Variants in SMAD5 observed in about 807,000 individuals in gnomAD.
SMAD5 encodes the protein MAD, mothers against decapentaplegic homolog 5.
In SMAD5, 9 loss-of-function variants were observed where a neutral mutation model predicts 43.1. That is an observed-to-expected ratio of 0.21 (90% CI 0.13 to 0.36). SMAD5 has a LOEUF of 0.36. Among genes scored for constraint, SMAD5 ranks in the 10% least tolerant of loss-of-function variants. The pLI is 1.00. For missense variants in SMAD5, 348 were observed against 574.0 expected (o/e 0.61, Z 4.02); for synonymous variants, 190 against 192.4 (o/e 0.99, Z 0.10).
rs1189308728 is a variant in SMAD5, at chr5:136,134,621, T to A, written c.-245+1659T>A. On this transcript the variant is annotated intron_variant, in intron 1 of 7. Transcript: ENST00000545279. The stretch of plus-strand genomic sequence containing the variant: ...TTTATTCCTTTGGTAACTATTAATA[T>A]TTTTTTCTCTACAGTGAAAATTGTA... The A allele has an allele frequency of 2.0e-5, 3 of 152,218 alleles. No individual in the cohort carries two copies. The East Asian group carries it at 5.8e-4, about 29-fold the overall frequency. The allele number at this position is 152,218 out of a possible 1,614,324, so 9.4% of individuals were successfully genotyped here.
chr5:136,169,906 A>T (rs185417210), intron 5 of SMAD5, among the ~76,000 whole-genome samples: 1 of 152,172 alleles, frequency 6.6e-6, no homozygotes, highest in Non-Finnish European at 1.5e-5. Flanking sequence ...TACTTGACCA[A>T]TCTGTGAGTC....
At chr5:136,163,479 A>T in intron 5 of SMAD5, 88 bp downstream of exon 5, 2 of 1,073,694 alleles carry the variant, frequency 1.9e-6, no homozygotes, top group Admixed American at 3.3e-5. Context: ...TTATTGAGGT[A>T]TAATTTATAT....
intron 5 of SMAD5, among the ~76,000 whole-genome samples, chr5:136,165,389 G>GT (rs1198927343): frequency 1.3e-5 from 2 of 151,488 alleles, no homozygotes; most frequent in Admixed American, 6.6e-5. Context: ...TTGTTTGTTT[G>GT]TTTTTTTATG....
chr5:136,167,939 C>A (rs1437581257), intron 5 of SMAD5, among the ~76,000 whole-genome samples: 1 of 151,968 alleles, frequency 6.6e-6, no homozygotes, highest in Non-Finnish European at 1.5e-5. Flanking sequence ...ACAATTCGCT[C>A]ACAGTTCTCC....
At chr5:136,135,950 C>A (rs11959595) in intron 1 of SMAD5, among the ~76,000 whole-genome samples, 54,580 of 151,846 alleles carry the variant, frequency 0.36, 10,735 homozygotes, top group African/African-American at 0.54. Flanking sequence ...ATGATTTGCC[C>A]GTCTTCTCAT....
At position 136,163,299 on chromosome 5, in the gene SMAD5, C is replaced by T; in HGVS notation, c.683C>T (p.Pro228Leu). Residue 228 changes from proline (P) to leucine (L), a missense_variant, in exon 5 of 8, where the codon CCA becomes CTA. By Grantham distance (98) the Pro-to-Leu change is moderately conservative. This residue lies in a region of SMAD5 where 185 missense variants were observed against 207.0 expected (regional missense o/e 0.89). Transcript: ENST00000545279. Reference protein sequence around the residue: ...PADTPPPAYMPPDDQMGQDNS... With the variant: ...PADTPPPAYMLPDDQMGQDNS... ...GATACGCCTCCTCCTGCCTATATGC[C>T]ACCTGATGATCAGATGGGTCAAGAT... 1 of 1,610,418 alleles carries T rather than the reference C, an allele frequency of 6.2e-7. No homozygotes were observed.
chr5:136,163,482 A>C (rs1281952874), intron 5 of SMAD5, 91 bp downstream of exon 5: 10 of 1,046,130 alleles, frequency 9.6e-6, no homozygotes, highest in African/African-American at 1.7e-5. Context: ...TTGAGGTATA[A>C]TTTATATGCT....
At chr5:136,156,744 A>C (rs1456235825) in intron 3 of SMAD5, among the ~76,000 whole-genome samples, 1 of 152,232 alleles carries the variant, frequency 6.6e-6, no homozygotes, top group African/African-American at 2.4e-5. Flanking sequence ...CAGCCAGCCA[A>C]TAGAAATGTC....
chr5:136,150,640 C>T (rs914160218), intron 2 of SMAD5, among the ~76,000 whole-genome samples: 2 of 151,928 alleles, frequency 1.3e-5, no homozygotes, highest in Non-Finnish European at 2.9e-5. Flanking sequence ...TAAGATTTCT[C>T]TTGGAAGACA....
chr5:136,158,540 G>A (rs1027789713), intron 3 of SMAD5, among the ~76,000 whole-genome samples: 2 of 152,112 alleles, frequency 1.3e-5, no homozygotes, highest in Non-Finnish European at 2.9e-5. Flanking sequence ...AGTAGAGAAG[G>A]GAAGTCCAAG....
intron 2 of SMAD5, among the ~76,000 whole-genome samples, chr5:136,148,495 G>C (rs1240025434): frequency 6.6e-6 from 1 of 151,740 alleles, no homozygotes; most frequent in Non-Finnish European, 1.5e-5. Flanking sequence ...CTGAAGGAAA[G>C]ATTACGTGTT....
chr5:136,172,755 T>G, intron 6 of SMAD5, 100 bp downstream of exon 6: 1 of 797,866 alleles, frequency 1.3e-6, no homozygotes, highest in Non-Finnish European at 2.2e-6. Flanking sequence ...ACAAAGAAGT[T>G]TGACACGTGG....
At chr5:136,167,596 T>C (rs1754066057) in intron 5 of SMAD5, among the ~76,000 whole-genome samples, 1 of 151,940 alleles carries the variant, frequency 6.6e-6, no homozygotes, top group South Asian at 2.1e-4. Context: ...CTGGCCAACA[T>C]AGTGAAATCC....
At chr5:136,140,189 A>G (rs906312352) in intron 1 of SMAD5, among the ~76,000 whole-genome samples, 11 of 151,924 alleles carry the variant, frequency 7.2e-5, no homozygotes, top group African/African-American at 2.2e-4. Flanking sequence ...CACCCAGCTA[A>G]TTTTTGTATT....
chr5:136,165,319 T>G lies in SMAD5; in HGVS notation c.775+1928T>G, dbSNP rs997869151. Reference sequence around the variant, plus strand: ...TGCATCACCATGCTTGGCCAATTTTTTTGTTGTTGTTGAGATGGAGTCTTA... The same window carrying G: ...TGCATCACCATGCTTGGCCAATTTTGTTGTTGTTGTTGAGATGGAGTCTTA... On this transcript the variant is annotated intron_variant, in intron 5 of 7. Coordinates refer to ENST00000545279, the MANE Select transcript of SMAD5 (RefSeq NM_005903.7). Among the ~76,000 whole-genome samples, 95 of 152,018 alleles carry G rather than the reference T, an allele frequency of 6.2e-4. 2 individuals carry two copies. Among genetic ancestry groups the G allele is most frequent in the Non-Finnish European group, 7.4e-5 (5 of 68,008 alleles).
intron 5 of SMAD5, among the ~76,000 whole-genome samples, chr5:136,163,900 G>C (rs1421212269): frequency 6.6e-6 from 1 of 152,190 alleles, no homozygotes; most frequent in East Asian, 1.9e-4. Flanking sequence ...AACATTTGCA[G>C]CTGGGCTCAG....
At chr5:136,143,341 G>A (rs1477005558) in intron 1 of SMAD5, among the ~76,000 whole-genome samples, 1 of 149,368 alleles carries the variant, frequency 6.7e-6, no homozygotes, top group Non-Finnish European at 1.5e-5. Flanking sequence ...TTTCATCTAC[G>A]CTTTGTCCCC....
chr5:136,162,091 A>G (rs1292909158), intron 4 of SMAD5, among the ~76,000 whole-genome samples: 1 of 152,240 alleles, frequency 6.6e-6, no homozygotes, highest in Non-Finnish European at 1.5e-5. Context: ...GCCAGAGCAC[A>G]TTCCAGCAAC....
At position 136,137,270 on chromosome 5, in the gene SMAD5, A is replaced by ACCCCCCCCCCCCC. The variant is rs61537356; in HGVS notation, c.-245+4317_-245+4318insCCCCCCCCCCCCC. 1.2e-4 allele frequency among the ~76,000 whole-genome samples: 15 copies of ACCCCCCCCCCCCC among 125,224 alleles called. 1 individual carries two copies. Among genetic ancestry groups the ACCCCCCCCCCCCC allele is most frequent in the African/African-American group, 3.1e-4 (10 of 32,070 alleles). 82.2% of individuals were successfully genotyped at this position (125,224 alleles called of 152,430 possible). ...AGGTTTTGCTCTTGAATTTTTTGGG[A>ACCCCCCCCCCCCC]CCCCCCCCCGCATCTCTTCCTATAG... On this transcript the variant is annotated intron_variant, in intron 1 of 7. Coordinates refer to ENST00000545279, the MANE Select transcript of SMAD5 (RefSeq NM_005903.7).
Sources: gnomAD v4.1 joint callset for allele counts (sites outside exome capture counted in the v4.1 genomes callset) on GRCh38, gnomAD v4.1.1 for gene constraint, gnomAD v4.1.1 regional missense constraint, MANE v1.5 for transcripts, NCBI Gene and HGNC (gene_info 2026-07-23, HGNC 2026-07-21) for gene names.